Variants in CACNB2 observed in about 807,000 individuals in gnomAD.
CACNB2 encodes calcium voltage-gated channel auxiliary subunit beta 2.
In CACNB2, 42 loss-of-function variants were observed where a neutral mutation model predicts 73.3. The observed-to-expected ratio is 0.57, with a 90% CI of 0.45 to 0.74. CACNB2 has a LOEUF of 0.74. CACNB2 is among the 30% of genes least tolerant of loss of function. The pLI, the probability that CACNB2 is intolerant of heterozygous loss-of-function variation, is 0.00. For synonymous variants in CACNB2, 348 were observed against 310.3 expected (o/e 1.12, Z -1.28); for missense variants, 940 against 853.0 (o/e 1.10, Z -1.27).
At chr10:18,302,631 C>T (rs906991970) in intron 2 of CACNB2, among the ~76,000 whole-genome samples, 11 of 152,202 alleles carry the variant, frequency 7.2e-5, no homozygotes, top group African/African-American at 2.6e-4. Flanking sequence ...ATGTTCTCAA[C>T]CGTAAGTGGC....
intron 2 of CACNB2, chr10:18,261,425 AC>A: frequency 1.4e-6 from 2 of 1,423,856 alleles, no homozygotes; most frequent in South Asian, 1.2e-5. Flanking sequence ...TGCTGAACCA[AC>A]CAGACAGTCG....
At chr10:18,402,949 T>G (rs1026940325) in intron 3 of CACNB2, among the ~76,000 whole-genome samples, 5 of 152,320 alleles carry the variant, frequency 3.3e-5, no homozygotes, top group African/African-American at 1.2e-4. Flanking sequence ...AAAATCTATG[T>G]GTGTTGCTAT....
chr10:18,505,913 T>TA (rs1372636379), intron 5 of CACNB2, among the ~76,000 whole-genome samples: 1 of 152,240 alleles, frequency 6.6e-6, no homozygotes, highest in African/African-American at 2.4e-5. Flanking sequence ...ATCTGATGGC[T>TA]ACATCATATC....
intron 3 of CACNB2, among the ~76,000 whole-genome samples, chr10:18,485,929 T>C (rs2049037408): frequency 2.0e-5 from 3 of 150,172 alleles, no homozygotes; most frequent in Admixed American, 6.6e-5. Context: ...TTTTTTTTTT[T>C]TCATTTCTCT....
chr10:18,375,818 C>T (rs2042775898), intron 2 of CACNB2, among the ~76,000 whole-genome samples: 1 of 152,108 alleles, frequency 6.6e-6, no homozygotes, highest in South Asian at 2.1e-4. Context: ...GAAATTGCCT[C>T]CAAATACCTT....
intron 5 of CACNB2, among the ~76,000 whole-genome samples, chr10:18,502,788 A>C (rs2133051037): frequency 6.6e-6 from 1 of 151,434 alleles, no homozygotes; most frequent in South Asian, 2.1e-4. Flanking sequence ...AGGGAACATA[A>C]GACACTGGGG....
chr10:18,272,277 G>A (rs10508560), intron 2 of CACNB2, among the ~76,000 whole-genome samples: 5,574 of 152,176 alleles, frequency 0.037, 167 homozygotes, highest in African/African-American at 0.08. Context: ...TTCAAGGCTC[G>A]TAGTTAAGGG....
At chr10:18,180,987 C>CA (rs1197120360) in intron 2 of CACNB2, among the ~76,000 whole-genome samples, 2 of 131,808 alleles carry the variant, frequency 1.5e-5, no homozygotes, top group Admixed American at 8.0e-5. Flanking sequence ...CAAAACAAAA[C>CA]AAAAAAAGAA....
Position 18,415,168 on chromosome 10 carries a change from A to T in CACNB2, c.333+13125A>T, listed in dbSNP as rs1448156819. ...CACTGAGTAATGTGGTAGCTATCAGACTTAAAGCACTGTAGGCTTGGCATG... is the reference window on the plus strand; with the variant it reads ...CACTGAGTAATGTGGTAGCTATCAGTCTTAAAGCACTGTAGGCTTGGCATG... On this transcript the variant is annotated intron_variant, in intron 3 of 13. Coordinates refer to ENST00000324631, the MANE Select transcript of CACNB2 (RefSeq NM_201596.3). 3.3e-5 allele frequency among the ~76,000 whole-genome samples: 5 copies of T among 152,302 alleles called. No homozygotes were observed. The East Asian group carries it at 9.6e-4, about 29-fold the overall frequency.
At chr10:18,176,993 A>C (rs947226262) in intron 2 of CACNB2, among the ~76,000 whole-genome samples, 5 of 151,528 alleles carry the variant, frequency 3.3e-5, no homozygotes, top group East Asian at 3.9e-4. Flanking sequence ...TGAGGGAGGG[A>C]GGTACCCTCC....
intron 3 of CACNB2, among the ~76,000 whole-genome samples, chr10:18,406,655 G>C (rs1425328392): frequency 1.3e-5 from 2 of 152,176 alleles, no homozygotes; most frequent in African/African-American, 2.4e-5. Context: ...GATTCTACAT[G>C]ATTGTAAGTT....
chr10:18,250,853 T>G (rs1171348962), intron 2 of CACNB2, among the ~76,000 whole-genome samples: 2 of 152,230 alleles, frequency 1.3e-5, no homozygotes, highest in East Asian at 3.9e-4. Context: ...GAAGTGTCCA[T>G]GCACCAAAGC....
chr10:18,286,655 A>G (rs185441181), intron 2 of CACNB2, among the ~76,000 whole-genome samples: 29 of 152,006 alleles, frequency 1.9e-4, no homozygotes, highest in African/African-American at 5.3e-4. Context: ...GCAAATTGCA[A>G]TTCTCTATGA....
chr10:18,372,639 T>A (rs1458451084), intron 2 of CACNB2, among the ~76,000 whole-genome samples: 4 of 152,206 alleles, frequency 2.6e-5, no homozygotes, highest in Non-Finnish European at 5.9e-5. Context: ...ACTTCTGACC[T>A]CAGGTCATCC....
intron 2 of CACNB2, among the ~76,000 whole-genome samples, chr10:18,247,677 C>T (rs758850565): frequency 8.5e-5 from 13 of 152,152 alleles, no homozygotes; most frequent in Non-Finnish European, 1.9e-4. Context: ...ATCAAAAATG[C>T]ATTTATTTCT....
At chr10:18,192,712 G>A (rs1167695486) in intron 2 of CACNB2, among the ~76,000 whole-genome samples, 1 of 152,064 alleles carries the variant, frequency 6.6e-6, no homozygotes, top group African/African-American at 2.4e-5. Flanking sequence ...TTTATCCTGG[G>A]TATTTCATAT....
At chr10:18,337,371 G>A (rs2041049377) in intron 2 of CACNB2, among the ~76,000 whole-genome samples, 2 of 152,108 alleles carry the variant, frequency 1.3e-5, no homozygotes, top group Non-Finnish European at 2.9e-5. Flanking sequence ...CAAAGTGCTG[G>A]CATTACAGGC....
chr10:18,375,537 T>A (rs1349412786), intron 2 of CACNB2, among the ~76,000 whole-genome samples: 2 of 152,200 alleles, frequency 1.3e-5, no homozygotes, highest in Non-Finnish European at 2.9e-5. Flanking sequence ...CTGAGTAGCC[T>A]CTTGTTCCTT....
intron 3 of CACNB2, among the ~76,000 whole-genome samples, chr10:18,460,295 T>C (rs541862255): frequency 7.2e-5 from 11 of 152,234 alleles, no homozygotes; most frequent in Non-Finnish European, 1.3e-4. Context: ...TGTATTCAAC[T>C]TCTGTTTGCA....
Sources: allele counts gnomAD v4.1 joint callset (sites outside exome capture counted in the v4.1 genomes callset), GRCh38; gene constraint gnomAD v4.1.1; transcripts MANE v1.5; gene names NCBI Gene and HGNC (gene_info 2026-07-23, HGNC 2026-07-21).